The following RGS6 variants were observed in gnomAD, a reference collection of about 807,000 sequenced individuals.
RGS6 encodes the protein regulator of G-protein signaling 6.
A neutral mutation model predicts 78.5 loss-of-function variants in RGS6; 30 were observed. That is an observed-to-expected ratio of 0.38 (90% confidence interval 0.29 to 0.52). The LOEUF is 0.52. Among genes scored for constraint, RGS6 ranks in the 20% least tolerant of loss-of-function variants. The probability of loss-of-function intolerance (pLI) is 0.85; values close to 1 mark genes in which losing one functional copy is unlikely to be tolerated. For synonymous variants in RGS6, 206 were observed against 206.0 expected, an observed-to-expected ratio of 1.00 and a Z score of 0.00; for missense variants, 495 against 609.7, an observed-to-expected ratio of 0.81 and a Z score of 1.98.
intron 3 of RGS6, among the ~76,000 whole-genome samples, chr14:72,442,865 G>T (rs1455616027): frequency 6.6e-6 from 1 of 152,210 alleles, no homozygotes; most frequent in East Asian, 1.9e-4. Flanking sequence ...AGGAATCTCA[G>T]GCTTCTCGTC....
At chr14:71,976,575 T>C (rs2094143032) in intron 2 of RGS6, among the ~76,000 whole-genome samples, 1 of 152,216 alleles carries the variant, frequency 6.6e-6, no homozygotes, top group African/African-American at 2.4e-5. Flanking sequence ...TCCATGTCCC[T>C]ACAAAGGACG....
intron 2 of RGS6, among the ~76,000 whole-genome samples, chr14:72,151,557 G>A (rs1474826025): frequency 1.3e-5 from 2 of 152,164 alleles, no homozygotes; most frequent in Non-Finnish European, 2.9e-5. Context: ...CAAAGTCTGA[G>A]GGGAGTGGCC....
chr14:71,944,316 A>T (rs376407599), intron 1 of RGS6, among the ~76,000 whole-genome samples: 3 of 152,308 alleles, frequency 2.0e-5, no homozygotes, highest in East Asian at 1.9e-4. Flanking sequence ...CATTTTATAG[A>T]TGAGGAAACC....
At chr14:72,016,675 A>G (rs1483938289) in intron 2 of RGS6, among the ~76,000 whole-genome samples, 2 of 152,060 alleles carry the variant, frequency 1.3e-5, no homozygotes, top group African/African-American at 2.4e-5. Flanking sequence ...GTTCTTTGTT[A>G]ATGGTGTGTT....
At chr14:72,069,217 C>A (rs1480828678) in intron 2 of RGS6, among the ~76,000 whole-genome samples, 1 of 151,192 alleles carries the variant, frequency 6.6e-6, no homozygotes, top group South Asian at 2.1e-4. Context: ...AAATGATCCA[C>A]CTGCCTCAGC....
intron 6 of RGS6, 25 bp from the exon 7 acceptor site, chr14:72,465,733 G>A: frequency 5.0e-6 from 8 of 1,587,098 alleles, no homozygotes; most frequent in Non-Finnish European, 6.9e-6. Context: ...TTTTGTACAT[G>A]TTGTCATTTC....
In RGS6 at chr14:72,013,271, CAAAAAAA is replaced by C. The variant is rs59579709; in HGVS notation, c.84+48413_84+48419del. 4.9e-4 allele frequency among the ~76,000 whole-genome samples: 38 copies of C among 77,060 alleles called. No homozygotes were observed. In the East Asian group the frequency reaches 5.6e-3, roughly 11 times the overall value. The allele number at this position is 77,060 out of a possible 152,430, so 50.6% of individuals were successfully genotyped here. A position where few individuals can be genotyped will look rare whatever the true frequency, so the allele number is the denominator to read the frequency against. On this transcript the variant is annotated intron_variant, in intron 2 of 17. Transcript: ENST00000553525. ...AGGTGACAGAACAAGACTCCGTCTC[CAAAAAAA>C]AAAAAAAAAAAAAAAACAACAACAA... is the stretch of plus-strand genomic sequence containing the variant.
intron 2 of RGS6, among the ~76,000 whole-genome samples, chr14:72,041,909 T>C (rs763584572): frequency 3.7e-4 from 57 of 152,208 alleles, no homozygotes; most frequent in Non-Finnish European, 7.1e-4. Flanking sequence ...TGTCATTGTA[T>C]TGGGGGGTCA....
chr14:72,309,825 T>C (rs768796197), intron 2 of RGS6, among the ~76,000 whole-genome samples: 10 of 152,224 alleles, frequency 6.6e-5, no homozygotes, highest in Non-Finnish European at 1.0e-4. Context: ...GCAGGCCATA[T>C]GTATTGCCCT....
chr14:72,332,923 G>A (rs547547535), intron 2 of RGS6, among the ~76,000 whole-genome samples: 2 of 152,244 alleles, frequency 1.3e-5, no homozygotes, highest in South Asian at 4.1e-4. Flanking sequence ...TTTACTGAAG[G>A]AAACAGAGGC....
intron 2 of RGS6, among the ~76,000 whole-genome samples, chr14:72,259,774 G>A (rs1022550238): frequency 1.3e-5 from 2 of 151,924 alleles, no homozygotes; most frequent in Non-Finnish European, 2.9e-5. Flanking sequence ...AGCCAGGCGC[G>A]GTGGCAGGCG....
At chr14:72,417,627 C>T (rs1310415432) in intron 3 of RGS6, among the ~76,000 whole-genome samples, 2 of 152,200 alleles carry the variant, frequency 1.3e-5, no homozygotes, top group African/African-American at 2.4e-5. Context: ...CTGGGTTCCG[C>T]ACTCATTAGC....
intron 3 of RGS6, among the ~76,000 whole-genome samples, chr14:72,395,565 G>C (rs959495889): frequency 2.0e-5 from 3 of 151,672 alleles, no homozygotes; most frequent in African/African-American, 7.3e-5. Context: ...TAAGTTTTAG[G>C]GTACATGTGC....
rs1467080447 is a variant in RGS6 at position 72,132,295 on chromosome 14, T to TTTTC, written c.84+167420_84+167421insTTTC. 7.9e-5 allele frequency among the ~76,000 whole-genome samples: 12 copies of TTTTC among 151,206 alleles called. No individual in the cohort carries two copies. The East Asian group carries it at 2.1e-3, about 27-fold the overall frequency. ...CTTCTTCTTCTTTTTTTTTTTTTTT[T>TTTTC]AGGTGGAGTCTCACTCTGTTGCCCA... On this transcript the variant is annotated intron_variant, in intron 2 of 17. Transcript: ENST00000553525.
chr14:71,870,271 A>G, the RGS6 span, among the ~76,000 whole-genome samples: 1,263 of 152,330 alleles, frequency 8.3e-3, 11 homozygotes, highest in South Asian at 0.017. Flanking sequence ...GAATAGCCAG[A>G]ATAACAATTA....
At chr14:72,228,524 TC>T (rs1300536771) in intron 2 of RGS6, among the ~76,000 whole-genome samples, 2 of 152,184 alleles carry the variant, frequency 1.3e-5, no homozygotes, top group African/African-American at 4.8e-5. Flanking sequence ...GAAAGATAAT[TC>T]TGGTGGTTCA....
chr14:72,276,156 C>T (rs1438118236), intron 2 of RGS6, among the ~76,000 whole-genome samples: 1 of 152,164 alleles, frequency 6.6e-6, no homozygotes, highest in African/African-American at 2.4e-5. Context: ...GCTACCTTAT[C>T]ACTTTTTGCA....
At chr14:72,567,532 A>G (rs1218513247), downstream of RGS6, among the ~76,000 whole-genome samples, 1 of 152,214 alleles carries the variant, frequency 6.6e-6, no homozygotes, top group Non-Finnish European at 1.5e-5. Flanking sequence ...CAGTTATAAC[A>G]CAAAAAGCTG....
At chr14:72,619,779 A>C in the RGS6 span, 2 of 957,394 alleles carry the variant, frequency 2.1e-6, no homozygotes, top group Non-Finnish European at 2.9e-6. Context: ...TGTGATGATT[A>C]AATGAGACAA....
Sources: gnomAD v4.1 joint callset for allele counts (sites outside exome capture counted in the v4.1 genomes callset) on GRCh38, gnomAD v4.1.1 for gene constraint, MANE v1.5 for transcripts, NCBI Gene and HGNC (gene_info 2026-07-23, HGNC 2026-07-21) for gene names.